EVI2B: variants seen among roughly 807,000 people sequenced by gnomAD.
EVI2B encodes protein EVI2B.
A neutral mutation model predicts 6.6 loss-of-function variants in EVI2B; 4 were observed. That is an observed-to-expected ratio of 0.61 (90% CI 0.30 to 1.39). The LOEUF is 1.39. Ranked by LOEUF, EVI2B falls within the 40% of genes most tolerant of loss-of-function variation. The pLI is 0.08. For missense variants in EVI2B, 484 were observed against 516.6 expected (o/e 0.94, Z 0.61); for synonymous variants, 181 against 186.8 (o/e 0.97, Z 0.25).
Position 31,305,361 on chromosome 17 carries a change from T to G in EVI2B, c.249A>C (p.Pro83=), listed in dbSNP as rs2068688655. 6.2e-7 allele frequency: 1 copy of G among 1,614,002 alleles called. No homozygotes were observed. The highest frequency in any genetic ancestry group is 2.2e-5 in the East Asian group (1 of 44,900). ...PAKVTAGQPT[P]AVYTSSEKPE... is the part of the protein sequence containing the mutation. ...GTTTTTCAGAAGAGGTATAGACAGC[T>G]GGTGTTGGTTGTCCAGCAGTGACTT... is the stretch of plus-strand genomic sequence containing the variant. The change falls in exon 2 of 2, where the codon CCA becomes CCC. Residue 83 remains proline, a synonymous_variant. Transcript: ENST00000330927.
At chr17:31,313,851 A>T (rs2068954265) in intron 1 of EVI2B, 128 bp downstream of exon 1, 1 of 390,882 alleles carries the variant, frequency 2.6e-6, no homozygotes, top group Non-Finnish European at 4.5e-6. Flanking sequence ...TCTATGCAAC[A>T]AAACCACAAA....
intron 1 of EVI2B, chr17:31,307,934 T>G (rs1358461676): frequency 7.8e-6 from 10 of 1,288,648 alleles, no homozygotes; most frequent in Non-Finnish European, 1.0e-5. Flanking sequence ...CCTCTACCAC[T>G]TGGTACACAG....
At position 31,305,625 on chromosome 17, in the gene EVI2B, C is replaced by T. The variant is rs754101275; in HGVS notation, c.-16G>A. The T allele has an allele frequency of 5.0e-6, 8 of 1,604,042 alleles. No homozygotes were observed. In the South Asian group the frequency reaches 5.6e-5, roughly 11 times the overall value. On this transcript the variant is annotated 5_prime_UTR_variant, in exon 2 of 2. Transcript: ENST00000330927. Reference sequence around the variant, plus strand: ...TGGGATCCATTTCAGAATATTTCCTCGTTATCTATAGCGGGTTTATAATGA... The same window carrying T: ...TGGGATCCATTTCAGAATATTTCCTTGTTATCTATAGCGGGTTTATAATGA...
Position 31,305,778 on chromosome 17 carries a change from T to C in EVI2B, c.-21-148A>G, listed in dbSNP as rs1325092279. The stretch of plus-strand genomic sequence containing the variant: ...GTTGATTAGTAGTTATTATTCCTAA[T>C]TTAGACTTGATACACTGTAGGTTTG... On this transcript the variant is annotated intron_variant, in intron 1 of 1. Coordinates refer to ENST00000330927, the MANE Select transcript of EVI2B (RefSeq NM_006495.4). 9 of 712,652 alleles carry C rather than the reference T, an allele frequency of 1.3e-5. 1 individual carries two copies. In the South Asian group the frequency reaches 1.8e-4, roughly 14 times the overall value. The allele number at this position is 712,652 out of a possible 1,614,324, so 44.1% of individuals were successfully genotyped here. A position where few individuals can be genotyped will look rare whatever the true frequency, so the allele number is the denominator to read the frequency against.
At chr17:31,311,793 C>T (rs564366501) in intron 1 of EVI2B, among the ~76,000 whole-genome samples, 4 of 152,234 alleles carry the variant, frequency 2.6e-5, no homozygotes, top group East Asian at 3.9e-4. Flanking sequence ...GTGCCAGAAC[C>T]GTTTCTTTCT....
rs1840923357 is a variant in EVI2B, at chr17:31,305,033, G to T, written c.577C>A (p.Gln193Lys). The change falls in exon 2 of 2, where the codon CAA (glutamine) becomes AAA (lysine). Residue 193 changes from glutamine (Q) to lysine (K), a missense_variant. By Grantham distance (53) the Gln-to-Lys change is moderately conservative. Coordinates refer to ENST00000330927, the MANE Select transcript of EVI2B (RefSeq NM_006495.4). ...TTATAATTGTTTTTTTGTGGGGTTT[G>T]TTTGTTACTGGTAGTATCTAAGATA... ...GFILDTTSNKQTPQKNNYNSI... is the reference protein window; with the variant it reads ...GFILDTTSNKKTPQKNNYNSI... 1 of 1,614,020 alleles carries T rather than the reference G, an allele frequency of 6.2e-7. No individual in the cohort carries two copies. Among genetic ancestry groups the T allele is most frequent in the Non-Finnish European group, 8.5e-7 (1 of 1,180,014 alleles).
At chr17:31,310,776 C>T (rs181716363) in intron 1 of EVI2B, among the ~76,000 whole-genome samples, 181 of 152,008 alleles carry the variant, frequency 1.2e-3, no homozygotes, top group African/African-American at 4.1e-3. Context: ...CCTCATATGC[C>T]GGTTTTTACT....
chr17:31,305,477 A>G lies in EVI2B; in HGVS notation c.133T>C (p.Leu45=). ...CCTGTTGTGTTTTGAGAATTAGCCA[A>G]TACCTGTGACATTGATGATGTGAAT... The part of the protein sequence containing the change: ...TLFTSSMSQV[L]ANSQNTTGNP... Residue 45 remains leucine, a synonymous_variant, in exon 2 of 2, where the codon TTG becomes CTG. Coordinates refer to ENST00000330927, the MANE Select transcript of EVI2B (RefSeq NM_006495.4). The G allele has an allele frequency of 6.2e-7, 1 of 1,614,200 alleles. No homozygotes were observed. Among genetic ancestry groups the G allele is most frequent in the Non-Finnish European group, 8.5e-7 (1 of 1,180,034 alleles).
intron 1 of EVI2B, among the ~76,000 whole-genome samples, chr17:31,310,470 G>T (rs1249826999): frequency 6.6e-6 from 1 of 152,128 alleles, no homozygotes; most frequent in African/African-American, 2.4e-5. Context: ...AGAAGCAACG[G>T]CAAAATGCTG....
rs16972178 is a variant in EVI2B, at chr17:31,305,974, A to G, written c.-21-344T>C. 9.1e-3 allele frequency among the ~76,000 whole-genome samples: 1,392 copies of G among 152,252 alleles called. 21 individuals are homozygous for G. Among genetic ancestry groups the G allele is most frequent in the African/African-American group, 0.032 (1,326 of 41,536 alleles). ...ATACTTCTCAAAACGCATAGGCTCT[A>G]TATGCTGGATCCATGTGTTCTCTAC... On this transcript the variant is annotated intron_variant, in intron 1 of 1. Coordinates refer to ENST00000330927, the MANE Select transcript of EVI2B (RefSeq NM_006495.4).
At chr17:31,307,751 A>G in intron 1 of EVI2B, 1 of 502,996 alleles carries the variant, frequency 2.0e-6, no homozygotes. Context: ...ATCTCTTAAC[A>G]TTAGGGAATA....
rs1597812798 is a variant in EVI2B, at chr17:31,314,004, A to T, written c.-47T>A. 2.5e-6 allele frequency: 1 copy of T among 398,144 alleles called. No individual in the cohort carries two copies. Among genetic ancestry groups the T allele is most frequent in the Non-Finnish European group, 4.4e-6 (1 of 225,820 alleles). 24.7% of individuals were successfully genotyped at this position (398,144 alleles called of 1,614,324 possible). A position where few individuals can be genotyped will look rare whatever the true frequency, so the allele number is the denominator to read the frequency against. ...CTCAGCTGTTAACTTCTTTTGCAGA[A>T]TGCTAAATTCTTGTTCTAACTGGAC... On this transcript the variant is annotated 5_prime_UTR_variant, in exon 1 of 2. Coordinates refer to ENST00000330927, the MANE Select transcript of EVI2B (RefSeq NM_006495.4).
intron 1 of EVI2B, among the ~76,000 whole-genome samples, chr17:31,312,625 A>G (rs2052782216): frequency 6.6e-6 from 1 of 152,104 alleles, no homozygotes; most frequent in Non-Finnish European, 1.5e-5. Flanking sequence ...AATTTAATAT[A>G]ATTTTATGAC....
At chr17:31,311,258 C>T (rs1262649042) in intron 1 of EVI2B, among the ~76,000 whole-genome samples, 1 of 151,986 alleles carries the variant, frequency 6.6e-6, no homozygotes, top group Non-Finnish European at 1.5e-5. Flanking sequence ...CGGCCATAGA[C>T]ATGTTCTTAT....
chr17:31,304,883 G>T lies in EVI2B; in HGVS notation c.727C>A (p.Pro243Thr). 2 of 1,614,076 alleles carry T rather than the reference G, an allele frequency of 1.2e-6. No homozygotes were observed. The highest frequency in any genetic ancestry group is 1.7e-6 in the Non-Finnish European group (2 of 1,180,010). Reference protein sequence around the residue: ...LNDQNWAGRSPFADGETPDIC... With the variant: ...LNDQNWAGRSTFADGETPDIC... ...TCAGGGGTTTCTCCATCAGCAAATG[G>T]AGATCTACCTGCCCAATTTTGATCA... is the stretch of plus-strand genomic sequence containing the variant. The change falls in exon 2 of 2, where the codon CCA becomes ACA. Residue 243 changes from proline to threonine, a missense_variant. Transcript: ENST00000330927.
intron 1 of EVI2B, among the ~76,000 whole-genome samples, chr17:31,311,454 T>C (rs572894645): frequency 6.6e-6 from 1 of 152,302 alleles, no homozygotes; most frequent in South Asian, 2.1e-4. Context: ...GATGCAAATA[T>C]AATAGATTAA....
intron 1 of EVI2B, among the ~76,000 whole-genome samples, chr17:31,313,272 G>T (rs189021341): frequency 1.3e-5 from 2 of 152,064 alleles, no homozygotes; most frequent in African/African-American, 2.4e-5. Flanking sequence ...TCTATAAAAA[G>T]TACATTAGAA....
chr17:31,313,855 C>T (rs1245224719), intron 1 of EVI2B, 124 bp downstream of exon 1: 1 of 355,790 alleles, frequency 2.8e-6, no homozygotes, highest in East Asian at 4.1e-5. Flanking sequence ...TGCAACAAAA[C>T]CACAAAAACC....
At position 31,304,890 on chromosome 17, in the gene EVI2B, A is replaced by G. The variant is rs775034504; in HGVS notation, c.720T>C (p.Gly240=). 1.3e-5 allele frequency: 21 copies of G among 1,614,050 alleles called. No individual in the cohort carries two copies. The Middle Eastern group carries it at 4.9e-4, about 38-fold the overall frequency. Reference sequence around the variant, plus strand: ...TTTCTCCATCAGCAAATGGAGATCTACCTGCCCAATTTTGATCATTTAAAA... The same window carrying G: ...TTTCTCCATCAGCAAATGGAGATCTGCCTGCCCAATTTTGATCATTTAAAA... ...KPVLNDQNWA[G]RSPFADGETP... Residue 240 remains glycine, a synonymous_variant, in exon 2 of 2, where the codon GGT becomes GGC. Coordinates refer to ENST00000330927, the MANE Select transcript of EVI2B (RefSeq NM_006495.4).
Sources: gnomAD v4.1 joint callset for allele counts (sites outside exome capture counted in the v4.1 genomes callset) on GRCh38, gnomAD v4.1.1 for gene constraint, MANE v1.5 for transcripts, NCBI Gene and HGNC (gene_info 2026-07-23, HGNC 2026-07-21) for gene names.